CDK6: variants seen among roughly 807,000 people sequenced by gnomAD.
CDK6 encodes cyclin-dependent kinase 6.
CDK6 carries 6 observed loss-of-function variants against 37.1 expected under a neutral mutation model. The observed-to-expected ratio is 0.16, with a 90% confidence interval of 0.09 to 0.32. The LOEUF is 0.32. CDK6 is among the 10% of genes least tolerant of loss of function. The probability of loss-of-function intolerance (pLI) is 1.00; values close to 1 mark genes in which losing one functional copy is unlikely to be tolerated. For missense variants in CDK6, 224 were observed against 418.9 expected (o/e 0.53, Z 4.06); for synonymous variants, 160 against 161.3 (o/e 0.99, Z 0.06).
intron 2 of CDK6, among the ~76,000 whole-genome samples, chr7:92,816,932 A>C (rs1425406822): frequency 6.6e-6 from 1 of 151,978 alleles, no homozygotes; most frequent in Non-Finnish European, 1.5e-5. Flanking sequence ...TATACCAATA[A>C]ACTACCACCC....
chr7:92,622,843 G>C (rs1330743274), intron 6 of CDK6, among the ~76,000 whole-genome samples, 193 bp downstream of exon 6: 1 of 152,064 alleles, frequency 6.6e-6, no homozygotes, highest in African/African-American at 2.4e-5. Flanking sequence ...TTCCAGAGCA[G>C]AGCAGTTAGG....
intron 3 of CDK6, among the ~76,000 whole-genome samples, chr7:92,743,731 G>A (rs1034827446): frequency 2.0e-4 from 31 of 152,322 alleles, no homozygotes; most frequent in African/African-American, 6.3e-4. Flanking sequence ...CACTGATGGT[G>A]AAACACAAAT....
chr7:92,726,158 G>T (rs1344216176), intron 3 of CDK6, among the ~76,000 whole-genome samples: 2 of 152,082 alleles, frequency 1.3e-5, no homozygotes, highest in African/African-American at 4.8e-5. Context: ...TGTTTAATGT[G>T]CCATTTCAAC....
chr7:92,758,295 G>A (rs1799364797), intron 3 of CDK6, among the ~76,000 whole-genome samples: 1 of 152,132 alleles, frequency 6.6e-6, no homozygotes, highest in Non-Finnish European at 1.5e-5. Context: ...AATCCCTCTT[G>A]AGTTGATTTT....
At chr7:92,673,806 C>A (rs1260351451) in intron 4 of CDK6, among the ~76,000 whole-genome samples, 3 of 151,114 alleles carry the variant, frequency 2.0e-5, no homozygotes, top group African/African-American at 7.3e-5. Context: ...GAGATGGAGT[C>A]TTGCTCTGTT....
chr7:92,738,273 C>T (rs561417348), intron 3 of CDK6, among the ~76,000 whole-genome samples: 23 of 152,076 alleles, frequency 1.5e-4, no homozygotes, highest in Admixed American at 3.9e-4. Context: ...GAGCTACCCA[C>T]CAAGGCAAAA....
At chr7:92,775,602 G>A (rs1799830534) in intron 2 of CDK6, among the ~76,000 whole-genome samples, 1 of 152,058 alleles carries the variant, frequency 6.6e-6, no homozygotes, top group Non-Finnish European at 1.5e-5. Flanking sequence ...TAAGCCTTCA[G>A]GAGTCAAAAG....
chr7:92,681,567 A>G (rs1010635634), intron 4 of CDK6, among the ~76,000 whole-genome samples: 1 of 152,180 alleles, frequency 6.6e-6, no homozygotes, highest in African/African-American at 2.4e-5. Context: ...GTGAATGTCT[A>G]CTCTGTGAGG....
intron 2 of CDK6, among the ~76,000 whole-genome samples, chr7:92,818,212 T>C (rs1801077073): frequency 3.3e-5 from 5 of 151,956 alleles, no homozygotes; most frequent in Admixed American, 3.3e-4. Context: ...CTATACATTA[T>C]AGTAATCAAA....
intron 3 of CDK6, among the ~76,000 whole-genome samples, chr7:92,738,555 C>T (rs35926075): frequency 0.11 from 16,576 of 151,536 alleles, 1,391 homozygotes; most frequent in Non-Finnish European, 0.17. Context: ...AGGAGACTCG[C>T]TTGAACCCTG....
intron 2 of CDK6, among the ~76,000 whole-genome samples, chr7:92,785,482 C>T (rs2115833047): frequency 6.6e-6 from 1 of 152,222 alleles, no homozygotes; most frequent in South Asian, 2.1e-4. Context: ...GATAGCTGTG[C>T]AACTCAGTAA....
chr7:92,718,825 G>A (rs181623498), intron 4 of CDK6, among the ~76,000 whole-genome samples: 3 of 152,228 alleles, frequency 2.0e-5, no homozygotes, highest in Admixed American at 2.0e-4. Flanking sequence ...TTTCTAACTA[G>A]ACATTTCTTT....
At chr7:92,636,297 C>T (rs1488371411) in intron 5 of CDK6, among the ~76,000 whole-genome samples, 9 of 152,006 alleles carry the variant, frequency 5.9e-5, no homozygotes, top group African/African-American at 1.7e-4. Context: ...TGAGCTCAAG[C>T]GATCTGCTGC....
intron 3 of CDK6, among the ~76,000 whole-genome samples, chr7:92,751,504 A>G (rs1444297418): frequency 6.6e-6 from 1 of 152,210 alleles, no homozygotes; most frequent in African/African-American, 2.4e-5. Flanking sequence ...ACAATACAGC[A>G]AAAGTAACCA....
intron 3 of CDK6, among the ~76,000 whole-genome samples, chr7:92,761,993 A>T (rs1026310448): frequency 9.9e-5 from 15 of 152,242 alleles, no homozygotes; most frequent in African/African-American, 3.6e-4. Context: ...AGATGATGTC[A>T]AAGACAAAAC....
chr7:92,773,415 T>C (rs544054702), intron 3 of CDK6, among the ~76,000 whole-genome samples: 1 of 152,310 alleles, frequency 6.6e-6, no homozygotes, highest in South Asian at 2.1e-4. Flanking sequence ...AAGAGAATGA[T>C]GAGCAGTCCA....
intron 2 of CDK6, among the ~76,000 whole-genome samples, chr7:92,777,707 C>T (rs1038913026): frequency 6.6e-6 from 1 of 152,156 alleles, no homozygotes; most frequent in African/African-American, 2.4e-5. Flanking sequence ...ATTGTCTTGG[C>T]TATACAGACT....
At chr7:92,717,635 T>G (rs1259727342) in intron 4 of CDK6, among the ~76,000 whole-genome samples, 1 of 152,192 alleles carries the variant, frequency 6.6e-6, no homozygotes, top group Non-Finnish European at 1.5e-5. Flanking sequence ...TTTCTCCGAG[T>G]AAAACATCCT....
intron 2 of CDK6, among the ~76,000 whole-genome samples, chr7:92,832,302 C>T (rs557940979): frequency 2.0e-5 from 3 of 152,168 alleles, no homozygotes; most frequent in Non-Finnish European, 4.4e-5. Flanking sequence ...GCTGTCTCCC[C>T]ACCCACTCGC....
Sources: allele counts gnomAD v4.1 joint callset (sites outside exome capture counted in the v4.1 genomes callset), GRCh38; gene constraint gnomAD v4.1.1; transcripts MANE v1.5; gene names NCBI Gene and HGNC (gene_info 2026-07-23, HGNC 2026-07-21).